Variants in RCAN2 observed in about 807,000 individuals in gnomAD.
RCAN2 encodes calcipressin-2.
A neutral mutation model predicts 23.6 loss-of-function variants in RCAN2; 9 were observed. That is an observed-to-expected ratio of 0.38 (90% CI 0.23 to 0.67). The LOEUF (loss-of-function observed/expected upper bound fraction) is 0.67, where lower values mean the gene tolerates loss of function less well. Ranked by LOEUF, RCAN2 falls within the 30% of genes least tolerant of loss-of-function variation. The pLI, the probability that RCAN2 is intolerant of heterozygous loss-of-function variation, is 0.51. For synonymous variants in RCAN2, 109 were observed against 115.7 expected, an observed-to-expected ratio of 0.94 and a Z score of 0.37; for missense variants, 273 against 302.3, an observed-to-expected ratio of 0.90 and a Z score of 0.72.
At chr6:46,479,157 G>C (rs996249176) in intron 1 of RCAN2, among the ~76,000 whole-genome samples, 3 of 152,308 alleles carry the variant, frequency 2.0e-5, no homozygotes, top group African/African-American at 7.2e-5. Context: ...CCCCTGATGG[G>C]TGTGAAATCA....
chr6:46,359,128 C>T (rs1582138959), intron 2 of RCAN2, among the ~76,000 whole-genome samples: 1 of 152,326 alleles, frequency 6.6e-6, no homozygotes, highest in East Asian at 1.9e-4. Flanking sequence ...ATTTGCATTT[C>T]TAACAAGTTC....
intron 2 of RCAN2, among the ~76,000 whole-genome samples, chr6:46,268,102 T>C (rs1233146486): frequency 1.3e-5 from 2 of 152,248 alleles, no homozygotes; most frequent in Non-Finnish European, 2.9e-5. Flanking sequence ...ATTCCAACTC[T>C]AAGTTTCTTG....
intron 2 of RCAN2, among the ~76,000 whole-genome samples, chr6:46,359,534 T>C (rs1230300015): frequency 2.0e-5 from 3 of 152,246 alleles, no homozygotes; most frequent in Non-Finnish European, 4.4e-5. Context: ...ATCAGAATCC[T>C]CCAGTGTAGT....
chr6:46,427,055 T>C (rs1039693249), intron 2 of RCAN2, among the ~76,000 whole-genome samples: 4 of 152,276 alleles, frequency 2.6e-5, no homozygotes, highest in Non-Finnish European at 5.9e-5. Context: ...AGAAAGAGTC[T>C]TATTAGGAGG....
At chr6:46,460,552 A>G (rs1180859576) in intron 1 of RCAN2, among the ~76,000 whole-genome samples, 1 of 151,300 alleles carries the variant, frequency 6.6e-6, no homozygotes, top group Admixed American at 6.6e-5. Flanking sequence ...CCAGGCTGGG[A>G]TGAATGTGGT....
At chr6:46,418,537 A>C (rs1766774891) in intron 2 of RCAN2, among the ~76,000 whole-genome samples, 1 of 151,896 alleles carries the variant, frequency 6.6e-6, no homozygotes, top group African/African-American at 2.4e-5. Context: ...GACCAGTCTC[A>C]GTGTCCCCAG....
At chr6:46,370,768 G>T (rs116767499) in intron 2 of RCAN2, among the ~76,000 whole-genome samples, 227 of 152,296 alleles carry the variant, frequency 1.5e-3, no homozygotes, top group Non-Finnish European at 1.8e-3. Context: ...TTCGTTCCCT[G>T]CTGGAATCCT....
At chr6:46,470,961 C>T (rs539157700) in intron 1 of RCAN2, among the ~76,000 whole-genome samples, 2 of 152,306 alleles carry the variant, frequency 1.3e-5, no homozygotes, top group East Asian at 3.9e-4. Context: ...GCACAGATAC[C>T]CTTCAGAGTA....
intron 2 of RCAN2, among the ~76,000 whole-genome samples, chr6:46,284,330 G>C (rs151128629): frequency 6.6e-6 from 1 of 152,124 alleles, no homozygotes. Flanking sequence ...AGGGATGTGG[G>C]GGTGTAATTG....
intron 2 of RCAN2, among the ~76,000 whole-genome samples, chr6:46,333,155 TG>T (rs1286889174): frequency 2.6e-5 from 4 of 152,188 alleles, no homozygotes; most frequent in Non-Finnish European, 5.9e-5. Flanking sequence ...TTGATGGGGT[TG>T]TTTTTTTTTC....
At chr6:46,422,194 G>A (rs571478744) in intron 2 of RCAN2, among the ~76,000 whole-genome samples, 3 of 152,062 alleles carry the variant, frequency 2.0e-5, no homozygotes, top group Non-Finnish European at 2.9e-5. Context: ...TAGTTCCTGC[G>A]AGAGTTCTCC....
At chr6:46,480,178 T>C (rs1174394660) in intron 1 of RCAN2, among the ~76,000 whole-genome samples, 1 of 152,222 alleles carries the variant, frequency 6.6e-6, no homozygotes, top group Non-Finnish European at 1.5e-5. Context: ...GGCTTCCCAC[T>C]TATTACCAGT....
Position 46,252,609 on chromosome 6 carries a change from GTAATAA to G in RCAN2, c.226-3719_226-3714del, listed in dbSNP as rs910331706. 3.3e-5 allele frequency among the ~76,000 whole-genome samples: 5 copies of G among 152,108 alleles called. No homozygotes were observed. In the East Asian group the frequency reaches 9.7e-4, roughly 29 times the overall value. ...TATTTATATATAAATCTATTTAAAA[GTAATAA>G]TAATAAGCCCTTTGTTTGTTAACAT... On this transcript the variant is annotated intron_variant, in intron 2 of 4. Transcript: ENST00000371374.
chr6:46,465,927 T>A (rs1466304481), intron 1 of RCAN2, among the ~76,000 whole-genome samples: 1 of 152,208 alleles, frequency 6.6e-6, no homozygotes, highest in Non-Finnish European at 1.5e-5. Flanking sequence ...CATTTGTAAA[T>A]AGATGGCTCA....
intron 1 of RCAN2, among the ~76,000 whole-genome samples, chr6:46,461,226 C>T (rs1379560013): frequency 8.5e-5 from 13 of 152,100 alleles, no homozygotes; most frequent in Admixed American, 8.5e-4. Flanking sequence ...TAGTATACCG[C>T]TCCTGTCCTG....
intron 2 of RCAN2, among the ~76,000 whole-genome samples, chr6:46,288,265 G>A (rs1215026873): frequency 6.6e-6 from 1 of 152,186 alleles, no homozygotes; most frequent in Non-Finnish European, 1.5e-5. Context: ...AAAGAAACAA[G>A]TAACCATAGC....
intron 2 of RCAN2, among the ~76,000 whole-genome samples, chr6:46,355,162 T>A (rs1764788284): frequency 6.6e-6 from 1 of 152,144 alleles, no homozygotes; most frequent in South Asian, 2.1e-4. Context: ...CCCCCAAATA[T>A]GTATACTAAT....
chr6:46,302,577 G>A (rs1762935868), intron 2 of RCAN2, among the ~76,000 whole-genome samples: 1 of 152,036 alleles, frequency 6.6e-6, no homozygotes, highest in African/African-American at 2.4e-5. Context: ...CACTCATTAG[G>A]ACCTAAACAA....
At chr6:46,230,748 G>T (rs761899116) in intron 4 of RCAN2, among the ~76,000 whole-genome samples, 18 of 152,128 alleles carry the variant, frequency 1.2e-4, no homozygotes, top group Non-Finnish European at 1.9e-4. Flanking sequence ...GCCCCACCCT[G>T]CTCTGTGGGC....
Sources: allele counts gnomAD v4.1 joint callset (sites outside exome capture counted in the v4.1 genomes callset), GRCh38; gene constraint gnomAD v4.1.1; transcripts MANE v1.5; gene names NCBI Gene and HGNC (gene_info 2026-07-23, HGNC 2026-07-21).